Variants in GAS2 observed in about 807,000 individuals in gnomAD.
GAS2 encodes the protein growth arrest-specific protein 2.
GAS2 carries 20 observed loss-of-function variants against 37.5 expected under a neutral mutation model. The ratio of observed to expected loss-of-function variants is 0.53; its 90% CI spans 0.37 to 0.77. The LOEUF is 0.77. Ranked by LOEUF, GAS2 falls within the 30% of genes least tolerant of loss-of-function variation. GAS2 has a pLI of 0.00. For synonymous variants in GAS2, 144 were observed against 132.2 expected, an observed-to-expected ratio of 1.09 and a Z score of -0.61; for missense variants, 336 against 373.4, an observed-to-expected ratio of 0.90 and a Z score of 0.82.
chr11:22,693,389 C>T (rs1351369585), intron 3 of GAS2, among the ~76,000 whole-genome samples: 4 of 152,174 alleles, frequency 2.6e-5, no homozygotes, highest in Non-Finnish European at 1.5e-5. Context: ...TATGTTACTT[C>T]ATTGTAATCT....
rs562114771 is a variant in GAS2 at position 22,635,098 on chromosome 11, T to C, written c.-21+9285T>C. Among the ~76,000 whole-genome samples, 5 of 152,260 alleles carry C rather than the reference T, an allele frequency of 3.3e-5. 1 individual carries two copies. Among genetic ancestry groups the C allele is most frequent in the African/African-American group, 1.2e-4 (5 of 41,544 alleles). ...GTCAGCTGCAGTGATAGTGATGGGA[T>C]TTGTGCTCCTCTTATGTTACCCAGG... On this transcript the variant is annotated intron_variant, in intron 1 of 5. Transcript: ENST00000528582.
rs577307180 is a variant in GAS2, at chr11:22,627,300, G to A, written c.-21+1487G>A. Among the ~76,000 whole-genome samples, 30 of 152,308 alleles carry A rather than the reference G, an allele frequency of 2.0e-4. 1 individual carries two copies. In the South Asian group the frequency reaches 2.9e-3, roughly 15 times the overall value. Reference sequence around the variant, plus strand: ...TATTTAACACCTATTATGATACATAGTATGAGGTGCTACAGATTTAGTAGT... The same window carrying A: ...TATTTAACACCTATTATGATACATAATATGAGGTGCTACAGATTTAGTAGT... On this transcript the variant is annotated intron_variant, in intron 1 of 5. Transcript: ENST00000528582.
chr11:22,696,110 A>G lies in GAS2; in HGVS notation c.267+10321A>G, dbSNP rs1170306959. Among the ~76,000 whole-genome samples, 40 of 96,656 alleles carry G rather than the reference A, an allele frequency of 4.1e-4. 2 individuals carry two copies. The Admixed American group carries it at 5.1e-3, about 12-fold the overall frequency. 63.4% of individuals were successfully genotyped at this position (96,656 alleles called of 152,430 possible). A position where few individuals can be genotyped will look rare whatever the true frequency, so the allele number is the denominator to read the frequency against. Reference sequence around the variant, plus strand: ...CTCCCCCCTCCCCCCACTCCACAACAGTCCCCAGAGTGTGATGTTCCCCTT... The same window carrying G: ...CTCCCCCCTCCCCCCACTCCACAACGGTCCCCAGAGTGTGATGTTCCCCTT... On this transcript the variant is annotated intron_variant, in intron 3 of 7. Coordinates refer to ENST00000454584, the MANE Select transcript of GAS2 (RefSeq NM_001143830.3).
In GAS2 at chr11:22,633,886, C is replaced by T. The variant is rs138126282; in HGVS notation, c.-21+8073C>T. On this transcript the variant is annotated intron_variant, in intron 1 of 5. Coordinates refer to the GAS2 transcript ENST00000528582. ...CTCATGTAAGTCTGCACCTGGAGGGCACTCCTCCTGTGGGGATGCAGTCAC... is the reference window on the plus strand; with the variant it reads ...CTCATGTAAGTCTGCACCTGGAGGGTACTCCTCCTGTGGGGATGCAGTCAC... 7.5e-4 allele frequency among the ~76,000 whole-genome samples: 114 copies of T among 152,270 alleles called. 1 individual carries two copies. Among genetic ancestry groups the T allele is most frequent in the Non-Finnish European group, 6.5e-4 (44 of 68,012 alleles).
chr11:22,666,292 A>G (rs1186928968), upstream of GAS2, among the ~76,000 whole-genome samples: 2 of 152,252 alleles, frequency 1.3e-5, no homozygotes, highest in African/African-American at 2.4e-5. Flanking sequence ...AAAATGTTCA[A>G]TTTGGAATGA....
intron 7 of GAS2, among the ~76,000 whole-genome samples, chr11:22,793,820 A>T (rs2134593735): frequency 6.6e-6 from 1 of 152,360 alleles, no homozygotes; most frequent in South Asian, 2.1e-4. Context: ...TTTAAAAAGT[A>T]ACATTAAAGG....
chr11:22,752,744 T>G (rs151053774), intron 6 of GAS2, among the ~76,000 whole-genome samples: 1 of 152,124 alleles, frequency 6.6e-6, no homozygotes, highest in Admixed American at 6.6e-5. Flanking sequence ...AGATCTGTGT[T>G]AAGATATTAT....
At chr11:22,780,465 A>G (rs1855501102) in intron 7 of GAS2, among the ~76,000 whole-genome samples, 1 of 150,972 alleles carries the variant, frequency 6.6e-6, no homozygotes, top group Non-Finnish European at 1.5e-5. Context: ...ACTGCACTCC[A>G]GCCTGGGCAA....
At chr11:22,655,451 A>C (rs1270768480) in intron 1 of GAS2, among the ~76,000 whole-genome samples, 2 of 152,028 alleles carry the variant, frequency 1.3e-5, no homozygotes, top group African/African-American at 4.8e-5. Context: ...ACAGTATAAA[A>C]AAAAGGAAGC....
intron 2 of GAS2, among the ~76,000 whole-genome samples, chr11:22,675,975 A>G (rs962384220): frequency 6.6e-6 from 1 of 152,040 alleles, no homozygotes; most frequent in African/African-American, 2.4e-5. Flanking sequence ...CTTGCTCTCC[A>G]TGGCTCTGGA....
intron 7 of GAS2, among the ~76,000 whole-genome samples, chr11:22,758,805 T>G (rs1590098102): frequency 1.3e-5 from 2 of 149,760 alleles, no homozygotes; most frequent in Admixed American, 1.4e-4. Flanking sequence ...TCCAGCTACT[T>G]GCAAGGCTGA....
chr11:22,631,184 C>G (rs1858740284), intron 1 of GAS2, among the ~76,000 whole-genome samples: 1 of 152,114 alleles, frequency 6.6e-6, no homozygotes, highest in Admixed American at 6.6e-5. Flanking sequence ...GTGTTTGGAA[C>G]TTGAGACTTT....
intron 2 of GAS2, among the ~76,000 whole-genome samples, chr11:22,678,728 A>G (rs191217482): frequency 2.6e-5 from 4 of 152,154 alleles, no homozygotes; most frequent in African/African-American, 9.6e-5. Context: ...TATTAAAAAT[A>G]TGGTTCCTTA....
At chr11:22,727,315 A>C (rs1337982150) in intron 4 of GAS2, among the ~76,000 whole-genome samples, 2 of 152,096 alleles carry the variant, frequency 1.3e-5, no homozygotes, top group African/African-American at 2.4e-5. Flanking sequence ...AATCAATTTA[A>C]TAGGTCATAT....
At chr11:22,696,356 G>T (rs532259483) in intron 3 of GAS2, among the ~76,000 whole-genome samples, 3 of 152,106 alleles carry the variant, frequency 2.0e-5, no homozygotes, top group Non-Finnish European at 4.4e-5. Context: ...TGGACATTTG[G>T]ATTAGTTCCA....
intron 7 of GAS2, among the ~76,000 whole-genome samples, chr11:22,794,719 T>C (rs543441351): frequency 6.6e-6 from 1 of 152,322 alleles, no homozygotes; most frequent in African/African-American, 2.4e-5. Flanking sequence ...TGTGTTGTCC[T>C]AAGTATGATG....
intron 5 of GAS2, among the ~76,000 whole-genome samples, chr11:22,744,285 C>A (rs932585214): frequency 1.6e-4 from 25 of 152,070 alleles, no homozygotes; most frequent in African/African-American, 5.6e-4. Flanking sequence ...GGACACCTCC[C>A]AAGTTCATTC....
chr11:22,655,608 G>A (rs1848845865), intron 1 of GAS2, among the ~76,000 whole-genome samples: 2 of 152,082 alleles, frequency 1.3e-5, no homozygotes, highest in Non-Finnish European at 2.9e-5. Context: ...AATTTTCTTT[G>A]GGAAAAATTA....
rs553346591 is a variant in GAS2 at position 22,783,487 on chromosome 11, C to T, written c.723+27534C>T. On this transcript the variant is annotated intron_variant, in intron 7 of 7. Transcript: ENST00000454584. ...CAATTTTCGCTTTTATTGCAATGCT[C>T]TTGAGGACTTAGCCATAATTTCTTT... 7.2e-5 allele frequency among the ~76,000 whole-genome samples: 11 copies of T among 152,196 alleles called. No homozygotes were observed. In the South Asian group the frequency reaches 1.9e-3, roughly 26 times the overall value.
Sources: allele counts gnomAD v4.1 joint callset (sites outside exome capture counted in the v4.1 genomes callset), GRCh38; gene constraint gnomAD v4.1.1; transcripts MANE v1.5; gene names NCBI Gene and HGNC (gene_info 2026-07-23, HGNC 2026-07-21).